PTPRT: variants seen among roughly 807,000 people sequenced by gnomAD.
PTPRT encodes the protein receptor-type tyrosine-protein phosphatase T.
PTPRT carries 56 observed loss-of-function variants against 176.8 expected under a neutral mutation model. The ratio of observed to expected loss-of-function variants is 0.32; its 90% CI spans 0.26 to 0.40. PTPRT has a LOEUF of 0.40. PTPRT is among the 10% of genes least tolerant of loss of function. The pLI, the probability that PTPRT is intolerant of heterozygous loss-of-function variation, is 1.00. For missense variants in PTPRT, 1,540 were observed against 1,908.2 expected (o/e 0.81, Z 3.60); for synonymous variants, 783 against 739.0 (o/e 1.06, Z -0.96).
intron 12 of PTPRT, among the ~76,000 whole-genome samples, chr20:42,311,092 AC>A (rs1217580773): frequency 6.6e-6 from 1 of 152,168 alleles, no homozygotes; most frequent in Non-Finnish European, 1.5e-5. Flanking sequence ...CTAATGTGAA[AC>A]CTAAGGATTC....
intron 9 of PTPRT, among the ~76,000 whole-genome samples, chr20:42,377,148 C>T (rs115297095): frequency 0.021 from 3,265 of 152,264 alleles, 133 homozygotes; most frequent in African/African-American, 0.075. Flanking sequence ...ATGCATTTCA[C>T]CTGTGCTTGA....
chr20:42,214,542 A>C (rs1268472773), intron 15 of PTPRT, among the ~76,000 whole-genome samples: 1 of 152,158 alleles, frequency 6.6e-6, no homozygotes, highest in Non-Finnish European at 1.5e-5. Context: ...ACGTCATGAC[A>C]ATTTGAAAGG....
intron 6 of PTPRT, among the ~76,000 whole-genome samples, chr20:42,712,786 A>T (rs2076164355): frequency 6.6e-6 from 1 of 152,256 alleles, no homozygotes; most frequent in Non-Finnish European, 1.5e-5. Flanking sequence ...CCTAGGAATT[A>T]TGCTAAAGAT....
At chr20:43,152,920 C>T (rs187451007) in intron 1 of PTPRT, among the ~76,000 whole-genome samples, 58 of 152,172 alleles carry the variant, frequency 3.8e-4, no homozygotes, top group Admixed American at 3.8e-3. Flanking sequence ...TACTTAAATA[C>T]TTCCCAATTT....
intron 5 of PTPRT, among the ~76,000 whole-genome samples, chr20:42,757,378 T>C (rs890762753): frequency 6.6e-6 from 1 of 152,192 alleles, no homozygotes; most frequent in Admixed American, 6.5e-5. Flanking sequence ...GCTGGTGCCC[T>C]GCTACCCCAC....
chr20:42,032,155 A>AAG, the PTPRT span, among the ~76,000 whole-genome samples: 4 of 151,288 alleles, frequency 2.6e-5, no homozygotes, highest in Admixed American at 6.6e-5. Context: ...GGCCTGGAAA[A>AAG]AGAGAGAGAG....
intron 15 of PTPRT, among the ~76,000 whole-genome samples, chr20:42,225,832 T>A (rs998448756): frequency 2.6e-5 from 4 of 152,154 alleles, no homozygotes; most frequent in South Asian, 4.1e-4. Flanking sequence ...TTTATATTTT[T>A]AGTAGAGATG....
chr20:42,248,755 A>G lies in PTPRT; in HGVS notation c.2244T>C (p.Ala748=), dbSNP rs2056499733. 4 of 1,614,086 alleles carry G rather than the reference A, an allele frequency of 2.5e-6. No homozygotes were observed. Among genetic ancestry groups the G allele is most frequent in the Non-Finnish European group, 8.5e-7 (1 of 1,179,960 alleles). ...ACATGAGGAGGCCAGCGATCACGCC[A>G]GCCATCTTCACGGTGTTGTCCACCT... ...EKQVDNTVKM[A]GVIAGLLMFI... is the part of the protein sequence containing the mutation. The change falls in exon 14 of 31, where the codon GCT becomes GCC. Residue 748 remains alanine, a synonymous_variant. Coordinates refer to ENST00000373187, the MANE Select transcript of PTPRT (RefSeq NM_007050.6).
At chr20:42,372,484 C>T (rs528783246) in intron 9 of PTPRT, among the ~76,000 whole-genome samples, 218 of 152,034 alleles carry the variant, frequency 1.4e-3, no homozygotes, top group Middle Eastern at 0.01. Flanking sequence ...GCAGTTTCAC[C>T]ATGTTGGCCA....
At chr20:42,534,931 C>T (rs1394116706) in intron 7 of PTPRT, among the ~76,000 whole-genome samples, 1 of 152,134 alleles carries the variant, frequency 6.6e-6, no homozygotes, top group Non-Finnish European at 1.5e-5. Context: ...GCACCCAGTG[C>T]TGCGCTAAAT....
intron 5 of PTPRT, among the ~76,000 whole-genome samples, chr20:42,759,247 C>T (rs535599984): frequency 1.3e-5 from 2 of 152,322 alleles, no homozygotes; most frequent in East Asian, 3.9e-4. Flanking sequence ...ATCATAAACA[C>T]TTTTATTTTT....
At chr20:42,800,455 G>C (rs925389816) in intron 2 of PTPRT, among the ~76,000 whole-genome samples, 3 of 152,268 alleles carry the variant, frequency 2.0e-5, no homozygotes, top group Middle Eastern at 6.8e-3. Flanking sequence ...GAACAACAGG[G>C]CTGCTGGGAA....
At position 42,473,771 on chromosome 20, in the gene PTPRT, G is replaced by A. The variant is rs539596010; in HGVS notation, c.1154-1209C>T. Among the ~76,000 whole-genome samples the A allele has an allele frequency of 4.1e-4, 63 of 152,240 alleles. 1 individual carries two copies. In the South Asian group the frequency reaches 0.011, roughly 27 times the overall value. On this transcript the variant is annotated intron_variant, in intron 7 of 30. Coordinates refer to ENST00000373187, the MANE Select transcript of PTPRT (RefSeq NM_007050.6). ...ATTGCAGGCACCATCCACCATGCCT[G>A]GCTCTTGGGTCAGGCATTTGTTATG... is the stretch of plus-strand genomic sequence containing the variant.
At chr20:42,702,300 G>A (rs541672742) in intron 6 of PTPRT, among the ~76,000 whole-genome samples, 2 of 152,230 alleles carry the variant, frequency 1.3e-5, no homozygotes, top group African/African-American at 2.4e-5. Context: ...GGGCCCAGAA[G>A]GTATTCTCTT....
At chr20:42,627,038 A>C (rs897113820) in intron 7 of PTPRT, among the ~76,000 whole-genome samples, 2 of 152,090 alleles carry the variant, frequency 1.3e-5, no homozygotes, top group Non-Finnish European at 2.9e-5. Context: ...TGTATCTTTT[A>C]CTTTTTTTTG....
intron 28 of PTPRT, 71 bp from the exon 29 acceptor site, chr20:42,084,916 G>A (rs939709575): frequency 5.0e-5 from 63 of 1,269,622 alleles, no homozygotes; most frequent in Non-Finnish European, 6.2e-5. Context: ...CAGATACCCC[G>A]GGGACTGCAG....
At chr20:43,182,723 C>T (rs1047563647) in intron 1 of PTPRT, among the ~76,000 whole-genome samples, 22 of 152,116 alleles carry the variant, frequency 1.4e-4, no homozygotes, top group Non-Finnish European at 3.1e-4. Context: ...AAGAGCAGCG[C>T]TTGAACTATT....
chr20:42,042,845 A>G, the PTPRT span, among the ~76,000 whole-genome samples: 1 of 152,244 alleles, frequency 6.6e-6, no homozygotes, highest in Middle Eastern at 3.2e-3. Context: ...CCTGACTTGC[A>G]GGAATGTGTG....
At chr20:43,092,923 C>T (rs932175293) in intron 1 of PTPRT, among the ~76,000 whole-genome samples, 1 of 152,172 alleles carries the variant, frequency 6.6e-6, no homozygotes, top group African/African-American at 2.4e-5. Flanking sequence ...TGAGGCAATG[C>T]TTTATAATGT....
Sources: gnomAD v4.1 joint callset for allele counts (sites outside exome capture counted in the v4.1 genomes callset) on GRCh38, gnomAD v4.1.1 for gene constraint, MANE v1.5 for transcripts, NCBI Gene and HGNC (gene_info 2026-07-23, HGNC 2026-07-21) for gene names.